KLHL1: variants seen among roughly 807,000 people sequenced by gnomAD.
KLHL1 encodes the protein kelch like family member 1.
KLHL1 carries 47 observed loss-of-function variants against 77.7 expected under a neutral mutation model. The ratio of observed to expected loss-of-function variants is 0.60; its 90% CI spans 0.48 to 0.77. The LOEUF (loss-of-function observed/expected upper bound fraction) is 0.77. Among genes scored for constraint, KLHL1 ranks in the 30% least tolerant of loss-of-function variants. KLHL1 has a pLI of 0.00. For missense variants in KLHL1, 925 were observed against 910.8 expected, an observed-to-expected ratio of 1.02 and a Z score of -0.20; for synonymous variants, 360 against 325.2, an observed-to-expected ratio of 1.11 and a Z score of -1.15.
intron 7 of KLHL1, among the ~76,000 whole-genome samples, chr13:69,784,428 T>C (rs1876402537): frequency 6.6e-6 from 1 of 152,140 alleles, no homozygotes; most frequent in Admixed American, 6.6e-5. Context: ...GTGTGCTGTA[T>C]TCAGGAAACC....
intron 6 of KLHL1, among the ~76,000 whole-genome samples, chr13:69,827,017 G>C (rs1003521537): frequency 6.7e-6 from 1 of 149,082 alleles, no homozygotes; most frequent in African/African-American, 2.5e-5. Context: ...TAATTTCATG[G>C]TTCTTCATGC....
chr13:69,818,219 C>CTTTTTTTTTTTTTTTTTTTATTTTTTT (rs1878197772), intron 6 of KLHL1, among the ~76,000 whole-genome samples: 1 of 112,912 alleles, frequency 8.9e-6, no homozygotes, highest in African/African-American at 4.0e-5. Flanking sequence ...TCATAGGCAT[C>CTTTTTTTTTTTTTTTTTTTATTTTTTT]TTTTTTTTTT....
chr13:70,053,988 G>A (rs2137395494), intron 1 of KLHL1, among the ~76,000 whole-genome samples: 1 of 152,224 alleles, frequency 6.6e-6, no homozygotes, highest in East Asian at 1.9e-4. Flanking sequence ...CAGGTTTTGT[G>A]TGGCCTTTGA....
rs180863727 is a variant in KLHL1, at chr13:70,011,806, T to C, written c.498-36004A>G. Among the ~76,000 whole-genome samples, 3 of 152,286 alleles carry C rather than the reference T, an allele frequency of 2.0e-5. No homozygotes were observed. In the East Asian group the frequency reaches 5.8e-4, roughly 29 times the overall value. ...TATTCAGGCAATTTTGAATTAAATT[T>C]GGGGGTTCCGTATTTGTCCATTTTC... is the stretch of plus-strand genomic sequence containing the variant. On this transcript the variant is annotated intron_variant, in intron 1 of 10. Transcript: ENST00000377844.
At chr13:69,846,153 T>C (rs1434525390) in intron 5 of KLHL1, among the ~76,000 whole-genome samples, 1 of 151,560 alleles carries the variant, frequency 6.6e-6, no homozygotes, top group East Asian at 1.9e-4. Flanking sequence ...TCCAGTGTTC[T>C]GGTTTATGTA....
chr13:70,012,899 T>TAC (rs1459708490), intron 1 of KLHL1, among the ~76,000 whole-genome samples: 1 of 101,494 alleles, frequency 9.9e-6, no homozygotes, highest in Non-Finnish European at 2.2e-5. Flanking sequence ...CAAGATTCTG[T>TAC]ATAAAAAAAA....
chr13:69,796,857 T>C lies in KLHL1; in HGVS notation c.1520A>G (p.Lys507Arg). ...LQFGVAVIDD[K>R]LFVIGGRDGL... ...ATCTCGACCTCCAATTACAAAGAGT[T>C]TGTCATCAATAACAGCCACACCAAA... The change falls in exon 7 of 11, where the codon AAA (lysine) becomes AGA (arginine). Residue 507 changes from lysine (K) to arginine (R), a missense_variant. By Grantham distance (26) the Lys-to-Arg change is conservative (BLOSUM62 2). Coordinates refer to ENST00000377844, the MANE Select transcript of KLHL1 (RefSeq NM_020866.3). 6.2e-7 allele frequency: 1 copy of C among 1,614,132 alleles called. No homozygotes were observed. Among genetic ancestry groups the C allele is most frequent in the Non-Finnish European group, 8.5e-7 (1 of 1,180,012 alleles).
intron 8 of KLHL1, among the ~76,000 whole-genome samples, chr13:69,734,209 C>T (rs1351321781): frequency 1.3e-5 from 2 of 152,032 alleles, no homozygotes; most frequent in African/African-American, 4.8e-5. Flanking sequence ...TGTAGCACCT[C>T]CCACCTGGAT....
intron 7 of KLHL1, among the ~76,000 whole-genome samples, chr13:69,776,706 ATAAT>A (rs1875844202): frequency 2.0e-5 from 3 of 152,240 alleles, no homozygotes; most frequent in Admixed American, 2.0e-4. Flanking sequence ...AAAATATAAA[ATAAT>A]TAATTTCCCC....
At chr13:70,034,476 A>G (rs780062772) in intron 1 of KLHL1, among the ~76,000 whole-genome samples, 1 of 152,194 alleles carries the variant, frequency 6.6e-6, no homozygotes, top group Non-Finnish European at 1.5e-5. Context: ...TAGTGCCCAT[A>G]TGGGTTTGCC....
intron 1 of KLHL1, among the ~76,000 whole-genome samples, chr13:70,029,471 T>C (rs1048905216): frequency 2.0e-5 from 3 of 152,104 alleles, no homozygotes; most frequent in Non-Finnish European, 4.4e-5. Flanking sequence ...AGAAAAGAAT[T>C]TTCAACCAAG....
At chr13:70,036,679 T>C (rs1233781418) in intron 1 of KLHL1, among the ~76,000 whole-genome samples, 1 of 151,968 alleles carries the variant, frequency 6.6e-6, no homozygotes, top group Non-Finnish European at 1.5e-5. Flanking sequence ...TTGTTCATTT[T>C]CAATGAAGTA....
intron 1 of KLHL1, among the ~76,000 whole-genome samples, chr13:70,096,403 A>G (rs1310474213): frequency 6.6e-6 from 1 of 152,026 alleles, no homozygotes; most frequent in African/African-American, 2.4e-5. Context: ...GGGTGAGATT[A>G]TATCTCATTA....
intron 7 of KLHL1, among the ~76,000 whole-genome samples, chr13:69,772,928 G>A (rs191403811): frequency 1.7e-3 from 251 of 151,994 alleles, no homozygotes; most frequent in African/African-American, 5.6e-3. Flanking sequence ...TTTTAACAAC[G>A]TTGATCCAAA....
Position 70,107,461 on chromosome 13 carries a change from G to C in KLHL1, c.239C>G (p.Ser80Cys), listed in dbSNP as rs762697170. Residue 80 changes from serine (S) to cysteine (C), a missense_variant, in exon 1 of 11, where the codon TCC becomes TGC. Physicochemically the swap from Ser to Cys is moderately radical, Grantham distance 112 (BLOSUM62 -1). Transcript: ENST00000377844. ...GGAAGAGGAGGAAGAGGACGGGGAGGACGATGAAGAGGAAGAGGAGGAAGG... is the reference window on the plus strand; with the variant it reads ...GGAAGAGGAGGAAGAGGACGGGGAGCACGATGAAGAGGAAGAGGAGGAAGG... ...KKPSSSSSSS[S>C]SPSSSSSSFN... 5 of 1,614,052 alleles carry C rather than the reference G, an allele frequency of 3.1e-6. No individual in the cohort carries two copies. The highest frequency in any genetic ancestry group is 4.2e-6 in the Non-Finnish European group (5 of 1,179,960).
chr13:69,940,816 G>C (rs1030709879), intron 3 of KLHL1, among the ~76,000 whole-genome samples: 21 of 129,200 alleles, frequency 1.6e-4, no homozygotes, highest in African/African-American at 5.0e-4. Context: ...AAAAAAAAAG[G>C]CTCTTTAGTG....
At chr13:69,999,893 T>C (rs7491658) in intron 1 of KLHL1, among the ~76,000 whole-genome samples, 22,653 of 152,046 alleles carry the variant, frequency 0.15, 3,330 homozygotes, top group African/African-American at 0.38. Flanking sequence ...TTATGGATAC[T>C]AATATAGTCG....
chr13:69,728,240 C>A (rs1873388949), intron 8 of KLHL1, among the ~76,000 whole-genome samples: 1 of 151,898 alleles, frequency 6.6e-6, no homozygotes, highest in African/African-American at 2.4e-5. Flanking sequence ...AAAATAGAAA[C>A]AGAGTGTTGG....
At chr13:69,780,743 T>TATATATATATATATATACAC (rs1187433193) in intron 7 of KLHL1, among the ~76,000 whole-genome samples, 1 of 60,958 alleles carries the variant, frequency 1.6e-5, no homozygotes, top group African/African-American at 6.3e-5. Flanking sequence ...CATATATATA[T>TATATATATATATATATACAC]ACATATATAT....
Sources: allele counts gnomAD v4.1 joint callset (sites outside exome capture counted in the v4.1 genomes callset), GRCh38; gene constraint gnomAD v4.1.1; transcripts MANE v1.5; gene names NCBI Gene and HGNC (gene_info 2026-07-23, HGNC 2026-07-21).